The following GMDS variants were observed in gnomAD, a reference collection of about 807,000 sequenced individuals.
GMDS encodes GDP-mannose 4,6-dehydratase.
Under a neutral mutation model 49.9 loss-of-function variants are expected in GMDS, and 20 were observed. The observed-to-expected ratio is 0.40, with a 90% CI of 0.28 to 0.58. The LOEUF is 0.58. GMDS is among the 20% of genes least tolerant of loss of function. The pLI is 0.42. For synonymous variants in GMDS, 177 were observed against 178.6 expected, an observed-to-expected ratio of 0.99 and a Z score of 0.07; for missense variants, 362 against 481.4, an observed-to-expected ratio of 0.75 and a Z score of 2.32.
At chr6:2,105,944 G>A (rs945792990) in intron 4 of GMDS, among the ~76,000 whole-genome samples, 2 of 152,120 alleles carry the variant, frequency 1.3e-5, no homozygotes, top group African/African-American at 4.8e-5. Flanking sequence ...TAACCTTTCA[G>A]GGTGCAACAT....
chr6:1,860,683 A>G (rs1241007885), intron 7 of GMDS, among the ~76,000 whole-genome samples: 1 of 152,208 alleles, frequency 6.6e-6, no homozygotes. Context: ...GGTGTCCAAA[A>G]AAAGGACGAG....
intron 1 of GMDS, among the ~76,000 whole-genome samples, chr6:2,180,603 AC>A (rs1052288757): frequency 1.3e-5 from 2 of 152,208 alleles, no homozygotes; most frequent in African/African-American, 4.8e-5. Flanking sequence ...TACTTGAGTA[AC>A]TTGTTCCTCT....
At position 1,624,497 on chromosome 6, in the gene GMDS, T is replaced by G. The variant is rs764254067; in HGVS notation, c.1031A>C (p.Asn344Thr). ...GDCTKAKQKL[N>T]WKPRVAFDEL... ...ATCGAAAGCGACCCGGGGCTTCCAGTTCAGCTTCTGTTTCGCTTTGGTGCA... is the reference window on the plus strand; with the variant it reads ...ATCGAAAGCGACCCGGGGCTTCCAGGTCAGCTTCTGTTTCGCTTTGGTGCA... Residue 344 changes from asparagine to threonine, a missense_variant, in exon 10 of 11, where the codon AAC becomes ACC. Asn to Thr is a moderately conservative substitution (Grantham distance 65, BLOSUM62 0). Coordinates refer to ENST00000380815, the MANE Select transcript of GMDS (RefSeq NM_001500.4). 19 of 1,613,778 alleles carry G rather than the reference T, an allele frequency of 1.2e-5. No homozygotes were observed. The highest frequency in any genetic ancestry group is 1.5e-5 in the Non-Finnish European group (18 of 1,179,826).
intron 4 of GMDS, among the ~76,000 whole-genome samples, chr6:2,033,556 C>T (rs1259765933): frequency 6.6e-6 from 1 of 152,118 alleles, no homozygotes; most frequent in African/African-American, 2.4e-5. Flanking sequence ...AAAAAATTAA[C>T]AATGTTTGAT....
At chr6:2,043,592 C>T (rs1769817254) in intron 4 of GMDS, among the ~76,000 whole-genome samples, 1 of 152,226 alleles carries the variant, frequency 6.6e-6, no homozygotes, top group South Asian at 2.1e-4. Context: ...ATTATTAACA[C>T]TAATTTATCT....
intron 4 of GMDS, among the ~76,000 whole-genome samples, chr6:2,097,406 A>G (rs1445270508): frequency 2.0e-5 from 3 of 152,234 alleles, no homozygotes; most frequent in Non-Finnish European, 4.4e-5. Context: ...GCTTCTGGGA[A>G]GAGAAAGAGG....
chr6:2,044,256 T>G (rs911121434), intron 4 of GMDS, among the ~76,000 whole-genome samples: 3 of 152,190 alleles, frequency 2.0e-5, no homozygotes, highest in Non-Finnish European at 4.4e-5. Flanking sequence ...TAAAGACACA[T>G]GCACGCATAT....
At chr6:2,069,253 T>C (rs188770961) in intron 4 of GMDS, among the ~76,000 whole-genome samples, 249 of 152,304 alleles carry the variant, frequency 1.6e-3, no homozygotes, top group African/African-American at 5.1e-3. Flanking sequence ...TTACACCTTA[T>C]ACAAAAATCA....
chr6:2,008,562 T>C (rs1179667411), intron 4 of GMDS, among the ~76,000 whole-genome samples: 1 of 152,208 alleles, frequency 6.6e-6, no homozygotes, highest in Non-Finnish European at 1.5e-5. Context: ...AGCTTGTTGA[T>C]GACTGATAGA....
intron 9 of GMDS, among the ~76,000 whole-genome samples, chr6:1,628,084 T>C (rs1762896988): frequency 6.6e-6 from 1 of 152,174 alleles, no homozygotes; most frequent in Non-Finnish European, 1.5e-5. Flanking sequence ...CAGGCATACA[T>C]TTACAGAGCT....
intron 1 of GMDS, among the ~76,000 whole-genome samples, chr6:2,234,068 C>A (rs1193649370): frequency 2.0e-5 from 3 of 152,178 alleles, no homozygotes; most frequent in Non-Finnish European, 2.9e-5. Flanking sequence ...GTCTTGTCCT[C>A]ATGGATTTAC....
At chr6:1,691,707 T>C (rs1367749404) in intron 9 of GMDS, among the ~76,000 whole-genome samples, 1 of 152,212 alleles carries the variant, frequency 6.6e-6, no homozygotes, top group Non-Finnish European at 1.5e-5. Context: ...TTTATTAAGG[T>C]ATATAATTAA....
At chr6:2,210,456 C>A (rs1436368719) in intron 1 of GMDS, among the ~76,000 whole-genome samples, 1 of 152,192 alleles carries the variant, frequency 6.6e-6, no homozygotes, top group East Asian at 1.9e-4. Flanking sequence ...GCTTACCCAT[C>A]CTTTCCTGGT....
chr6:2,037,206 T>C (rs1769356892), intron 4 of GMDS, among the ~76,000 whole-genome samples: 1 of 152,176 alleles, frequency 6.6e-6, no homozygotes, highest in Non-Finnish European at 1.5e-5. Context: ...CAATGAGAAC[T>C]GCTTCTTGTA....
intron 4 of GMDS, among the ~76,000 whole-genome samples, chr6:2,079,563 A>G (rs1006750390): frequency 6.6e-6 from 1 of 152,138 alleles, no homozygotes; most frequent in Admixed American, 6.5e-5. Flanking sequence ...TTCAGTTACA[A>G]AGAATATTTT....
At chr6:2,042,471 G>A (rs1201986239) in intron 4 of GMDS, among the ~76,000 whole-genome samples, 1 of 152,120 alleles carries the variant, frequency 6.6e-6, no homozygotes, top group Non-Finnish European at 1.5e-5. Context: ...TGTGGCCAGA[G>A]TCACCTTTAC....
intron 4 of GMDS, 91 bp from the exon 5 acceptor site, chr6:1,961,057 T>C (rs1763915095): frequency 1.6e-6 from 1 of 616,694 alleles, no homozygotes; most frequent in Non-Finnish European, 2.7e-6. Flanking sequence ...TTTCACACAC[T>C]GTGAAATGTT....
intron 7 of GMDS, among the ~76,000 whole-genome samples, chr6:1,743,715 A>T (rs1767375660): frequency 6.6e-6 from 1 of 151,600 alleles, no homozygotes; most frequent in African/African-American, 2.4e-5. Context: ...GAGTTCCTGT[A>T]TCTCGCAATT....
At chr6:1,980,159 T>C (rs1765137378) in intron 4 of GMDS, among the ~76,000 whole-genome samples, 1 of 152,132 alleles carries the variant, frequency 6.6e-6, no homozygotes, top group African/African-American at 2.4e-5. Context: ...AATAACCAGC[T>C]AGTATCATGA....
Sources: allele counts gnomAD v4.1 joint callset (sites outside exome capture counted in the v4.1 genomes callset), GRCh38; gene constraint gnomAD v4.1.1; transcripts MANE v1.5; gene names NCBI Gene and HGNC (gene_info 2026-07-23, HGNC 2026-07-21).